The following TANGO6 variants were observed in gnomAD, a reference collection of about 807,000 sequenced individuals.
TANGO6 encodes transport and Golgi organization protein 6 homolog.
Under a neutral mutation model 114.2 loss-of-function variants are expected in TANGO6, and 90 were observed. The observed-to-expected ratio is 0.79, with a 90% CI of 0.66 to 0.94. The LOEUF is 0.94. Among genes scored for constraint, TANGO6 ranks in the 40% least tolerant of loss-of-function variants. The pLI is 0.00. For missense variants in TANGO6, 1,274 were observed against 1,315.3 expected (o/e 0.97, Z 0.49); for synonymous variants, 477 against 509.8 (o/e 0.94, Z 0.87).
chr16:68,866,194 T>G (rs189662795), intron 3 of TANGO6, among the ~76,000 whole-genome samples: 9 of 152,334 alleles, frequency 5.9e-5, no homozygotes, highest in Admixed American at 3.3e-4. Context: ...ATTTTTCACT[T>G]TCACTGTTTT....
chr16:68,971,863 C>A (rs1272195028), intron 14 of TANGO6, among the ~76,000 whole-genome samples: 1 of 151,934 alleles, frequency 6.6e-6, no homozygotes, highest in East Asian at 1.9e-4. Flanking sequence ...GAACTCCTGA[C>A]CTCAAGTGAT....
intron 17 of TANGO6, among the ~76,000 whole-genome samples, chr16:69,053,980 G>A (rs577294345): frequency 5.3e-5 from 8 of 152,182 alleles, no homozygotes; most frequent in East Asian, 3.9e-4. Context: ...TAGGAGAATC[G>A]CTAGAACCCC....
At chr16:68,952,975 T>A (rs9921479) in intron 14 of TANGO6, among the ~76,000 whole-genome samples, 17,467 of 151,880 alleles carry the variant, frequency 0.12, 1,184 homozygotes, top group African/African-American at 0.17. Context: ...GTAAAATATT[T>A]TCTTTGGCAA....
chr16:68,995,708 T>G (rs558860681), intron 15 of TANGO6, among the ~76,000 whole-genome samples: 3 of 152,200 alleles, frequency 2.0e-5, no homozygotes, highest in South Asian at 4.1e-4. Context: ...ACCCTGTTAT[T>G]TATGCACCAT....
intron 14 of TANGO6, among the ~76,000 whole-genome samples, chr16:68,966,973 C>T (rs1488822084): frequency 2.0e-5 from 3 of 151,916 alleles, no homozygotes; most frequent in African/African-American, 4.8e-5. Flanking sequence ...GGTTTTGCCA[C>T]GTTGGCCAGG....
chr16:68,888,835 C>T (rs961288405), intron 7 of TANGO6, among the ~76,000 whole-genome samples: 2 of 152,128 alleles, frequency 1.3e-5, no homozygotes, highest in East Asian at 1.9e-4. Context: ...TTTTTTGAGC[C>T]GGAGTTTCGC....
At chr16:68,979,118 G>A (rs1432179526) in intron 15 of TANGO6, among the ~76,000 whole-genome samples, 2 of 151,708 alleles carry the variant, frequency 1.3e-5, no homozygotes, top group African/African-American at 4.8e-5. Context: ...TGGGGGTCTC[G>A]CTGTGTTCCC....
chr16:69,078,051 G>A (rs1191468880), intron 17 of TANGO6, among the ~76,000 whole-genome samples: 4 of 152,120 alleles, frequency 2.6e-5, no homozygotes, highest in African/African-American at 4.8e-5. Context: ...ACCTAGGTGC[G>A]GGGGTTAGGG....
chr16:69,061,534 CAG>C (rs1199162232), intron 17 of TANGO6, among the ~76,000 whole-genome samples: 2 of 152,028 alleles, frequency 1.3e-5, no homozygotes, highest in African/African-American at 4.8e-5. Flanking sequence ...GCCTAGGCGA[CAG>C]AGTGAGACTC....
Position 68,880,075 on chromosome 16 carries a change from C to T in TANGO6, c.1295-473C>T, listed in dbSNP as rs1228558043. Among the ~76,000 whole-genome samples, 7 of 152,144 alleles carry T rather than the reference C, an allele frequency of 4.6e-5. No individual in the cohort carries two copies. The East Asian group carries it at 9.6e-4, about 21-fold the overall frequency. ...GCAACCTCCGCCTCCCGGGTTCAAG[C>T]GATTCTCCTGCCTCAGCCTCGTGAG... On this transcript the variant is annotated intron_variant, in intron 6 of 17. Coordinates refer to ENST00000261778, the MANE Select transcript of TANGO6 (RefSeq NM_024562.2).
At chr16:68,877,834 T>C (rs910811484) in intron 5 of TANGO6, among the ~76,000 whole-genome samples, 4 of 152,106 alleles carry the variant, frequency 2.6e-5, no homozygotes, top group African/African-American at 7.2e-5. Context: ...GGTCTCGATC[T>C]CCTGACCTTG....
chr16:68,928,225 C>T (rs779897961), intron 13 of TANGO6, 142 bp downstream of exon 13: 42 of 883,050 alleles, frequency 4.8e-5, no homozygotes, highest in South Asian at 1.4e-4. Context: ...GGAGGCAACA[C>T]TTAGACACAG....
chr16:68,935,052 A>G (rs1423229858), intron 14 of TANGO6, among the ~76,000 whole-genome samples: 1 of 152,214 alleles, frequency 6.6e-6, no homozygotes, highest in Admixed American at 6.5e-5. Context: ...TGTTTGTAAT[A>G]TGCACTTAAA....
chr16:69,002,498 T>C (rs1356892954), intron 15 of TANGO6, among the ~76,000 whole-genome samples: 1 of 152,064 alleles, frequency 6.6e-6, no homozygotes, highest in Non-Finnish European at 1.5e-5. Context: ...TCTCTTAAGA[T>C]CTGATGGTTT....
chr16:68,861,929 G>C (rs1275203646), intron 2 of TANGO6, among the ~76,000 whole-genome samples: 2 of 152,066 alleles, frequency 1.3e-5, no homozygotes, highest in African/African-American at 4.8e-5. Flanking sequence ...AGAGAGTTAA[G>C]AAGAGTAAGA....
At chr16:68,962,512 A>G (rs987436156) in intron 14 of TANGO6, among the ~76,000 whole-genome samples, 4 of 152,170 alleles carry the variant, frequency 2.6e-5, no homozygotes, top group Non-Finnish European at 4.4e-5. Flanking sequence ...TACTTTGAAC[A>G]TAGTCTTTAA....
chr16:68,844,707 T>C (rs1267678063), intron 1 of TANGO6, among the ~76,000 whole-genome samples: 1 of 152,162 alleles, frequency 6.6e-6, no homozygotes, highest in East Asian at 1.9e-4. Flanking sequence ...CATAGTAGGC[T>C]GTTGACATAC....
intron 3 of TANGO6, among the ~76,000 whole-genome samples, chr16:68,864,290 C>T (rs1845491631): frequency 6.6e-6 from 1 of 151,714 alleles, no homozygotes; most frequent in South Asian, 2.1e-4. Flanking sequence ...GAGTGAGGAG[C>T]CAGCCAGGCA....
In TANGO6 at chr16:68,860,184, T is replaced by C. The variant is rs776531935; in HGVS notation, c.395T>C (p.Leu132Pro). 9.9e-6 allele frequency: 16 copies of C among 1,614,056 alleles called. No individual in the cohort carries two copies. In the South Asian group the frequency reaches 1.8e-4, roughly 18 times the overall value. Residue 132 changes from leucine to proline, a missense_variant, in exon 2 of 18, where the codon CTG (leucine) becomes CCG (proline). By Grantham distance (98) the Leu-to-Pro change is moderately conservative. This residue lies in a region of TANGO6 where 908 missense variants were observed against 910.2 expected (regional missense o/e 1.00). Transcript: ENST00000261778. ...AGGACTCCGGAAGTTGCTCCTGCCC[T>C]GAGCCCCGATGCACTTAGTATCTCA... ...NPRTPEVAPA[L>P]SPDALSISQQ... is the part of the protein sequence containing the mutation.
Sources: gnomAD v4.1 joint callset for allele counts (sites outside exome capture counted in the v4.1 genomes callset) on GRCh38, gnomAD v4.1.1 for gene constraint, gnomAD v4.1.1 regional missense constraint, MANE v1.5 for transcripts, NCBI Gene and HGNC (gene_info 2026-07-23, HGNC 2026-07-21) for gene names.